The following ZNF541 variants were observed in gnomAD, a reference collection of about 807,000 sequenced individuals.
ZNF541 encodes the protein zinc finger protein 541.
ZNF541 carries 23 observed loss-of-function variants against 123.5 expected under a neutral mutation model. The observed-to-expected ratio is 0.19, with a 90% CI of 0.13 to 0.26. ZNF541 has a LOEUF of 0.26. ZNF541 is among the 10% of genes least tolerant of loss of function. The pLI is 1.00. For missense variants in ZNF541, 1,612 were observed against 1,789.9 expected (o/e 0.90, Z 1.79); for synonymous variants, 751 against 754.5 (o/e 1.00, Z 0.08).
At chr19:47,536,884 G>T (rs1415599771) in intron 9 of ZNF541, among the ~76,000 whole-genome samples, 1 of 152,126 alleles carries the variant, frequency 6.6e-6, no homozygotes, top group African/African-American at 2.4e-5. Flanking sequence ...TCTGTACAAG[G>T]GAAAAATGTT....
intron 2 of ZNF541, among the ~76,000 whole-genome samples, chr19:47,563,107 A>G (rs1016247770): frequency 1.3e-5 from 2 of 152,184 alleles, no homozygotes; most frequent in Non-Finnish European, 2.9e-5. Flanking sequence ...ATTGCATGTT[A>G]TATGTCTACC....
Position 47,544,799 on chromosome 19 carries a change from G to A in ZNF541, c.1730C>T (p.Ser577Phe), listed in dbSNP as rs1970251778. ...IFSHAQVAAVSSQLPAPEGKP... is the reference protein window; with the variant it reads ...IFSHAQVAAVFSQLPAPEGKP... The stretch of plus-strand genomic sequence containing the variant: ...GCCCTCGGGCGCAGGGAGCTGGGAG[G>A]AGACTGCTGCCACCTGGGCATGGGA... The change falls in exon 5 of 17, where the codon TCC becomes TTC. Residue 577 changes from serine to phenylalanine, a missense_variant. Around this residue, in one of 5 missense-constraint regions of ZNF541, gnomAD observed 1,080 missense variants for 1,013.8 expected, o/e 1.07. Transcript: ENST00000391901. 3.3e-6 allele frequency: 5 copies of A among 1,528,268 alleles called. No individual in the cohort carries two copies. Among genetic ancestry groups the A allele is most frequent in the Non-Finnish European group, 4.4e-6 (5 of 1,141,810 alleles). The allele number at this position is 1,528,268 out of a possible 1,614,324, so 94.7% of individuals were successfully genotyped here.
intron 14 of ZNF541, among the ~76,000 whole-genome samples, chr19:47,523,070 G>A (rs571098941): frequency 4.1e-5 from 6 of 148,084 alleles, no homozygotes; most frequent in East Asian, 4.1e-4. Flanking sequence ...ATAGTGTCAC[G>A]GTACTCCAGA....
intron 3 of ZNF541, among the ~76,000 whole-genome samples, chr19:47,555,230 C>T (rs1160925134): frequency 2.6e-5 from 4 of 151,582 alleles, no homozygotes; most frequent in South Asian, 4.2e-4. Context: ...ATTAGCCGGG[C>T]GTGGTGGCGG....
Position 47,539,790 on chromosome 19 carries a change from A to G in ZNF541, c.2711T>C (p.Leu904Ser), listed in dbSNP as rs1969997589. Residue 904 changes from leucine to serine, a missense_variant, in exon 8 of 17, where the codon TTG becomes TCG. Physicochemically the swap from Leu to Ser is moderately radical, Grantham distance 145. Transcript: ENST00000391901. ...RHSPPGTKKP[L>S]DPTAAAPLVV... ...CAAAGGGGCTGCAGCTGTGGGGTCC[A>G]AGGGCTTCTTGGTTCCTGGGGGACT... is the stretch of plus-strand genomic sequence containing the variant. 6.7e-7 allele frequency: 1 copy of G among 1,485,748 alleles called. No homozygotes were observed. The highest frequency in any genetic ancestry group is 8.9e-7 in the Non-Finnish European group (1 of 1,126,120). 92.0% of individuals were successfully genotyped at this position (1,485,748 alleles called of 1,614,324 possible).
In ZNF541 at chr19:47,540,825, G is replaced by A. The variant is rs538419630; in HGVS notation, c.2462+68C>T. The A allele has an allele frequency of 2.6e-3, 3,796 of 1,482,608 alleles. 8 individuals are homozygous for A. Among genetic ancestry groups the A allele is most frequent in the Non-Finnish European group, 3.3e-3 (3,640 of 1,090,860 alleles). The allele number at this position is 1,482,608 out of a possible 1,614,324, so 91.8% of individuals were successfully genotyped here. A position where few individuals can be genotyped will look rare whatever the true frequency, so the allele number is the denominator to read the frequency against. On this transcript the variant is annotated intron_variant, in intron 6 of 16. Transcript: ENST00000391901. The stretch of plus-strand genomic sequence containing the variant: ...AGCATCCTCCCCACTCACTTGTCCA[G>A]GGCCGGCACAGGAAGGCCAGAGGAC...
rs1970204021 is a variant in ZNF541, at chr19:47,544,190, A to G, written c.2339T>C (p.Phe780Ser). The change falls in exon 5 of 17, where the codon TTC becomes TCC. Residue 780 changes from phenylalanine (F) to serine (S), a missense_variant. Phe to Ser is a radical substitution (Grantham distance 155). Transcript: ENST00000391901. ...ATCTGCCGGGGGCCCGGCCGATGAG[A>G]AGGAGGCCATGGCTACCTGGCTCGG... ...ASPSQVAMAS[F>S]SSAGPPADPS... The G allele has an allele frequency of 4.5e-6, 7 of 1,551,614 alleles. No homozygotes were observed. The highest frequency in any genetic ancestry group is 5.2e-6 in the Non-Finnish European group (6 of 1,147,026).
chr19:47,551,672 C>T (rs953429070), intron 3 of ZNF541, among the ~76,000 whole-genome samples: 17 of 150,884 alleles, frequency 1.1e-4, no homozygotes, highest in Admixed American at 9.9e-4. Flanking sequence ...TTGAGTAGCA[C>T]GGGCCACCAC....
At chr19:47,529,853 A>C (rs542586335) in intron 12 of ZNF541, among the ~76,000 whole-genome samples, 3 of 152,236 alleles carry the variant, frequency 2.0e-5, no homozygotes, top group Admixed American at 2.0e-4. Context: ...CACACCACTG[A>C]ATGCAGCTGA....
In ZNF541 at chr19:47,529,672, A is replaced by G. The variant is rs999882374; in HGVS notation, c.3406-20T>C. 6.4e-6 allele frequency: 10 copies of G among 1,550,562 alleles called. No homozygotes were observed. The highest frequency in any genetic ancestry group is 7.9e-6 in the Non-Finnish European group (9 of 1,146,268). ...GGCGACCTGGAACAAGAGGAGCGACAGGCTGCCCAGGACCAGGTGGGGGAA... is the reference window on the plus strand; with the variant it reads ...GGCGACCTGGAACAAGAGGAGCGACGGGCTGCCCAGGACCAGGTGGGGGAA... On this transcript the variant is annotated intron_variant, in intron 12 of 16. Coordinates refer to ENST00000391901, the MANE Select transcript of ZNF541 (RefSeq NM_001277075.3).
At chr19:47,552,477 C>T (rs2123249487) in intron 3 of ZNF541, among the ~76,000 whole-genome samples, 1 of 152,130 alleles carries the variant, frequency 6.6e-6, no homozygotes, top group South Asian at 2.1e-4. Flanking sequence ...CAAGGAAAAA[C>T]CGGGCTCCCT....
chr19:47,545,681 A>G lies in ZNF541; in HGVS notation c.848T>C (p.Val283Ala). 1 of 1,548,324 alleles carries G rather than the reference A, an allele frequency of 6.5e-7. No individual in the cohort carries two copies. The highest frequency in any genetic ancestry group is 1.2e-5 in the South Asian group (1 of 84,022). Reference protein sequence around the residue: ...DLLRRIVSSIVHQKTPSPGPA... With the variant: ...DLLRRIVSSIAHQKTPSPGPA... ...GCCAGGAGAAGGGGTCTTCTGGTGGACGATGCTACTCACGATGCGGCGCAG... is the reference window on the plus strand; with the variant it reads ...GCCAGGAGAAGGGGTCTTCTGGTGGGCGATGCTACTCACGATGCGGCGCAG... Residue 283 changes from valine (V) to alanine (A), a missense_variant, in exon 5 of 17, where the codon GTC becomes GCC. Physicochemically the swap from Val to Ala is moderately conservative, Grantham distance 64. This residue lies in a region of ZNF541 where 1,080 missense variants were observed against 1,013.8 expected (regional missense o/e 1.07). Transcript: ENST00000391901. The surrounding 1 kb of genome is among the most constrained non-coding windows in gnomAD (Gnocchi z 7.5).
intron 9 of ZNF541, 41 bp from the exon 10 acceptor site, chr19:47,533,013 C>T: frequency 6.5e-7 from 1 of 1,531,056 alleles, no homozygotes; most frequent in South Asian, 1.2e-5. Context: ...AGACAGACAG[C>T]AGGTAACCGA....
Position 47,544,299 on chromosome 19 carries a change from G to T in ZNF541, c.2230C>A (p.Arg744=). ...GPACSRGGGY[R]LLGNPRAPRF... is the part of the protein sequence containing the mutation. ...GGGGCCCTGGGGTTGCCCAAGAGCC[G>T]GTAGCCTCCACCCCGGGAGCAGGCT... The change falls in exon 5 of 17, where the codon CGG becomes AGG. Residue 744 remains arginine, a synonymous_variant. Coordinates refer to ENST00000391901, the MANE Select transcript of ZNF541 (RefSeq NM_001277075.3). The T allele has an allele frequency of 6.4e-7, 1 of 1,551,600 alleles. No homozygotes were observed. Among genetic ancestry groups the T allele is most frequent in the Non-Finnish European group, 8.7e-7 (1 of 1,147,006 alleles).
At chr19:47,527,010 C>G (rs998021196) in intron 14 of ZNF541, among the ~76,000 whole-genome samples, 9 of 152,200 alleles carry the variant, frequency 5.9e-5, no homozygotes, top group African/African-American at 1.9e-4. Flanking sequence ...AAAGGGGAGA[C>G]CTATCAATAC....
Position 47,545,309 on chromosome 19 carries a change from T to C in ZNF541, c.1220A>G (p.Gln407Arg). 1.3e-6 allele frequency: 2 copies of C among 1,549,472 alleles called. No homozygotes were observed. Among genetic ancestry groups the C allele is most frequent in the Non-Finnish European group, 1.7e-6 (2 of 1,146,666 alleles). The stretch of plus-strand genomic sequence containing the variant: ...CCACTGGAAGCTGTGGCTCGATGGC[T>C]GGGAACTGGCAGGGACCGTCTGGCC... ...FRGQTVPASS[Q>R]PSSHSFQWLR... Residue 407 changes from glutamine (Q) to arginine (R), a missense_variant, in exon 5 of 17, where the codon CAG (glutamine) becomes CGG (arginine). By Grantham distance (43) the Gln-to-Arg change is conservative. Transcript: ENST00000391901. This position sits in a 1 kb window ranked among gnomAD's most constrained non-coding sequence, Gnocchi z 7.5.
chr19:47,572,899 G>A (rs957914589), intron 1 of ZNF541, among the ~76,000 whole-genome samples, 184 bp downstream of exon 1: 3 of 152,138 alleles, frequency 2.0e-5, no homozygotes, highest in Non-Finnish European at 2.9e-5. Flanking sequence ...CGTGCGTGAC[G>A]CAGGGTGAGG....
Position 47,550,821 on chromosome 19 carries a change from T to A in ZNF541, c.308-1336A>T, listed in dbSNP as rs1385153508. Among the ~76,000 whole-genome samples the A allele has an allele frequency of 2.6e-5, 4 of 152,206 alleles. No homozygotes were observed. In the East Asian group the frequency reaches 5.8e-4, roughly 22 times the overall value. On this transcript the variant is annotated intron_variant, in intron 3 of 16. Coordinates refer to ENST00000391901, the MANE Select transcript of ZNF541 (RefSeq NM_001277075.3). ...CCACCACTCCCAGCTGATTTTTAAA[T>A]TGTTATTTGTTGTAGAGCTAGGCTT...
chr19:47,533,137 G>T (rs1969653131), intron 9 of ZNF541, among the ~76,000 whole-genome samples, 165 bp from the exon 10 acceptor site: 2 of 151,928 alleles, frequency 1.3e-5, no homozygotes, highest in South Asian at 4.2e-4. Context: ...GGGAGGCTGA[G>T]GTGGGAGGAT....
Sources: allele counts gnomAD v4.1 joint callset (sites outside exome capture counted in the v4.1 genomes callset), GRCh38; gene constraint gnomAD v4.1.1; regional missense constraint gnomAD v4.1.1; non-coding constraint Gnocchi (gnomAD v3.1); transcripts MANE v1.5; gene names NCBI Gene and HGNC (gene_info 2026-07-23, HGNC 2026-07-21).